SHF: variants seen among roughly 807,000 people sequenced by gnomAD.
SHF encodes the protein SH2 domain-containing adapter protein F.
Under a neutral mutation model 42.4 loss-of-function variants are expected in SHF, and 30 were observed. The ratio of observed to expected loss-of-function variants is 0.71; its 90% CI spans 0.53 to 0.96. SHF has a LOEUF of 0.96. SHF is among the 40% of genes least tolerant of loss of function. SHF has a pLI of 0.00. For missense variants in SHF, 598 were observed against 634.0 expected, an observed-to-expected ratio of 0.94 and a Z score of 0.61; for synonymous variants, 264 against 269.9, an observed-to-expected ratio of 0.98 and a Z score of 0.21.
intron 3 of SHF, chr15:45,174,410 G>A (rs1305233593): frequency 1.3e-5 from 2 of 153,126 alleles, no homozygotes; most frequent in Non-Finnish European, 2.9e-5. Context: ...TGCTTTACAG[G>A]AAGAATATTA....
chr15:45,188,307 G>A (rs1275468137), upstream of SHF, among the ~76,000 whole-genome samples: 1 of 152,210 alleles, frequency 6.6e-6, no homozygotes, highest in Admixed American at 6.5e-5. Context: ...GACGCAAAGA[G>A]GGGAGCCCCC....
At chr15:45,171,587 T>C in intron 6 of SHF, 1 of 452,768 alleles carries the variant, frequency 2.2e-6, no homozygotes, top group Non-Finnish European at 4.0e-6. Flanking sequence ...TTCCCTATAT[T>C]ATCCCCCATC....
chr15:45,167,722 T>G lies in SHF; in HGVS notation c.*225A>C, dbSNP rs1336038768. ...TGGAACCCCCTTCCTCCAGGGGCTA[T>G]CCTTTCTCTCCAGGGATTCCTCTTT... On this transcript the variant is annotated 3_prime_UTR_variant, in exon 7 of 7. Coordinates refer to ENST00000690270, the MANE Select transcript of SHF (RefSeq NM_001394037.1). 1 of 390,160 alleles carries G rather than the reference T, an allele frequency of 2.6e-6. No homozygotes were observed. The highest frequency in any genetic ancestry group is 4.5e-6 in the Non-Finnish European group (1 of 222,856). 24.2% of individuals were successfully genotyped at this position (390,160 alleles called of 1,614,324 possible).
chr15:45,175,956 T>C (rs1386811755), intron 2 of SHF, among the ~76,000 whole-genome samples: 7 of 151,964 alleles, frequency 4.6e-5, no homozygotes, highest in Admixed American at 2.0e-4. Context: ...GTAGCTGGGA[T>C]TACAGACATC....
chr15:45,167,434 ACC>A lies in SHF; in HGVS notation c.*511_*512del, dbSNP rs1280146998. The A allele has an allele frequency of 6.7e-6, 1 of 148,200 alleles. No individual in the cohort carries two copies. The highest frequency in any genetic ancestry group is 1.5e-5 in the Non-Finnish European group (1 of 67,168). The allele number at this position is 148,200 out of a possible 1,614,324, so 9.2% of individuals were successfully genotyped here. On this transcript the variant is annotated 3_prime_UTR_variant, in exon 7 of 7. Coordinates refer to ENST00000690270, the MANE Select transcript of SHF (RefSeq NM_001394037.1). ...CCCGAGCCCCTCCCCTTCTCTCCCC[ACC>A]CCCCAAAGCCGGCTGCTTCCCAGGG...
upstream of SHF, chr15:45,188,088 C>A (rs1898569442): frequency 3.0e-6 from 1 of 333,262 alleles, no homozygotes; most frequent in African/African-American, 2.2e-5. Context: ...GGCTCCGCTC[C>A]CTAACAGGGT....
In SHF at chr15:45,187,849, C is replaced by T. The variant is rs192008945; in HGVS notation, c.103G>A (p.Ala35Thr). Reference protein sequence around the residue: ...PGGSRRGAGGAGAGPGGGGSG... With the variant: ...PGGSRRGAGGTGAGPGGGGSG... ...CCGCCCCCTCCTGGGCCGGCTCCCG[C>T]ACCCCCGGCGCCCCGGCGGGACCCC... is the stretch of plus-strand genomic sequence containing the variant. The change falls in exon 1 of 7, where the codon GCG becomes ACG. Residue 35 changes from alanine to threonine, a missense_variant. This residue lies in a region of SHF where 159 missense variants were observed against 109.3 expected (regional missense o/e 1.45). Transcript: ENST00000690270. The T allele has an allele frequency of 4.2e-4, 447 of 1,063,510 alleles. 2 individuals are homozygous for T. In the African/African-American group the frequency reaches 7.0e-3, roughly 17 times the overall value. 65.9% of individuals were successfully genotyped at this position (1,063,510 alleles called of 1,614,324 possible). A position where few individuals can be genotyped will look rare whatever the true frequency, so the allele number is the denominator to read the frequency against.
chr15:45,172,197 G>A lies in SHF; in HGVS notation c.1110C>T (p.Ser370=), dbSNP rs1431763401. Residue 370 remains serine (S), a synonymous_variant, in exon 5 of 7, where the codon AGC becomes AGT. Coordinates refer to ENST00000690270, the MANE Select transcript of SHF (RefSeq NM_001394037.1). ...KSAKPLSMEP[S]SPLGEWTDPA... is the part of the protein sequence containing the mutation. The stretch of plus-strand genomic sequence containing the variant: ...GATCTGTCCACTCCCCCAGGGGGCT[G>A]CTGGGCTCCATGCTTAGGGGTTTGG... 6.2e-7 allele frequency: 1 copy of A among 1,613,928 alleles called. No individual in the cohort carries two copies. The highest frequency in any genetic ancestry group is 1.1e-5 in the South Asian group (1 of 91,078).
intron 2 of SHF, among the ~76,000 whole-genome samples, chr15:45,193,989 C>A (rs1165542121): frequency 6.6e-6 from 1 of 151,214 alleles, no homozygotes; most frequent in African/African-American, 2.4e-5. Context: ...GTAGTCACAG[C>A]CACTCAGGAG....
At position 45,168,137 on chromosome 15, in the gene SHF, G is replaced by A; in HGVS notation, c.1281-4C>T. 6.3e-7 allele frequency: 1 copy of A among 1,577,084 alleles called. No individual in the cohort carries two copies. Among genetic ancestry groups the A allele is most frequent in the South Asian group, 1.2e-5 (1 of 85,156 alleles). On this transcript the variant is annotated splice_polypyrimidine_tract_variant and splice_region_variant and intron_variant, in intron 6 of 6. Transcript: ENST00000690270. The stretch of plus-strand genomic sequence containing the variant: ...GTGCATGAATCCCTGGCTGCTCCTG[G>A]GAAGAGGAGAGGAGACTTTGGTGAG...
intron 3 of SHF, 56 bp from the exon 4 acceptor site, chr15:45,173,772 G>A: frequency 6.5e-7 from 1 of 1,540,034 alleles, no homozygotes; most frequent in Non-Finnish European, 8.8e-7. Flanking sequence ...GACAGAAAGA[G>A]GTAGAGGTTG....
chr15:45,197,685 G>C (rs958135081), intron 2 of SHF, among the ~76,000 whole-genome samples: 1 of 152,168 alleles, frequency 6.6e-6, no homozygotes, highest in African/African-American at 2.4e-5. Flanking sequence ...CCTGGAGTCA[G>C]GGCCTGGGTA....
intron 1 of SHF, among the ~76,000 whole-genome samples, chr15:45,179,850 C>T (rs548335232): frequency 5.9e-5 from 9 of 152,258 alleles, no homozygotes; most frequent in African/African-American, 9.6e-5. Context: ...GCTGGGAGGC[C>T]GTGGGGTGAC....
At chr15:45,172,027 G>C in intron 5 of SHF, 25 bp from the exon 6 acceptor site, 2 of 1,613,856 alleles carry the variant, frequency 1.2e-6, no homozygotes, top group Non-Finnish European at 1.7e-6. Flanking sequence ...GAGGAAGGGG[G>C]GCATCTCTGC....
At chr15:45,188,344 G>A (rs151004457), upstream of SHF, among the ~76,000 whole-genome samples, 2 of 152,314 alleles carry the variant, frequency 1.3e-5, no homozygotes, top group Non-Finnish European at 2.9e-5. Context: ...GGAGCCTTAC[G>A]CCTCTCCTCT....
chr15:45,179,065 G>A (rs1192915439), intron 1 of SHF, among the ~76,000 whole-genome samples: 1 of 152,246 alleles, frequency 6.6e-6, no homozygotes, highest in African/African-American at 2.4e-5. Flanking sequence ...AGATTAGCAT[G>A]GTCCATGCCT....
upstream of SHF, among the ~76,000 whole-genome samples, chr15:45,192,059 A>T (rs1223486594): frequency 2.0e-5 from 3 of 151,970 alleles, no homozygotes; most frequent in Non-Finnish European, 4.4e-5. Context: ...CATTTGGTAC[A>T]AGTTGCAAAT....
upstream of SHF, among the ~76,000 whole-genome samples, chr15:45,192,505 C>A (rs1441341338): frequency 6.6e-6 from 1 of 151,734 alleles, no homozygotes; most frequent in Non-Finnish European, 1.5e-5. Flanking sequence ...ATAGCTGGGA[C>A]TACAGGCACC....
At chr15:45,168,462 G>A (rs536811446) in intron 6 of SHF, among the ~76,000 whole-genome samples, 4 of 152,270 alleles carry the variant, frequency 2.6e-5, no homozygotes, top group African/African-American at 7.2e-5. Context: ...CAGGCACCCC[G>A]GCCCTCCAGC....
Sources: allele counts gnomAD v4.1 joint callset (sites outside exome capture counted in the v4.1 genomes callset), GRCh38; gene constraint gnomAD v4.1.1; regional missense constraint gnomAD v4.1.1; transcripts MANE v1.5; gene names NCBI Gene and HGNC (gene_info 2026-07-23, HGNC 2026-07-21).